Variants in ZNF90 observed in about 807,000 individuals in gnomAD.
ZNF90 encodes the protein zinc finger protein 90.
Under a neutral mutation model 12.0 loss-of-function variants are expected in ZNF90, and 11 were observed. That is an observed-to-expected ratio of 0.92 (90% confidence interval 0.58 to 1.52). The LOEUF (loss-of-function observed/expected upper bound fraction) is 1.52, where lower values mean the gene tolerates loss of function less well. Ranked by LOEUF, ZNF90 falls within the 40% of genes most tolerant of loss-of-function variation. ZNF90 has a pLI of 0.00. For missense variants in ZNF90, 765 were observed against 711.5 expected (o/e 1.08, Z -0.86); for synonymous variants, 232 against 240.1 (o/e 0.97, Z 0.31).
intron 3 of ZNF90, among the ~76,000 whole-genome samples, chr19:20,110,610 T>C (rs142553453): frequency 2.0e-5 from 3 of 152,336 alleles, no homozygotes; most frequent in African/African-American, 7.2e-5. Context: ...GGAACATTTA[T>C]AACTTTTTAA....
intron 1 of ZNF90, among the ~76,000 whole-genome samples, chr19:20,097,185 A>G (rs1049237150): frequency 2.0e-5 from 3 of 152,156 alleles, no homozygotes; most frequent in African/African-American, 4.8e-5. Context: ...TTTCTGTACT[A>G]TTATTGTGGC....
At chr19:20,098,780 G>T (rs765051) in intron 1 of ZNF90, among the ~76,000 whole-genome samples, 3 of 152,208 alleles carry the variant, frequency 2.0e-5, no homozygotes, top group Admixed American at 6.5e-5. Context: ...GACAAGAATG[G>T]TTTTTTCTTC....
At chr19:20,106,044 C>CTTTTTTTTTTTT (rs56933917) in intron 3 of ZNF90, among the ~76,000 whole-genome samples, 8 of 71,032 alleles carry the variant, frequency 1.1e-4, no homozygotes, top group South Asian at 5.2e-4. Flanking sequence ...CTAATTTTTT[C>CTTTTTTTTTTTT]TTTTTTTTTT....
chr19:20,103,223 C>T (rs543897831), intron 1 of ZNF90, among the ~76,000 whole-genome samples: 16 of 152,166 alleles, frequency 1.1e-4, no homozygotes, highest in South Asian at 6.2e-4. Context: ...ATGTGGAGGT[C>T]GAAAGGACAG....
chr19:20,079,422 G>A (rs554967946), intron 1 of ZNF90, among the ~76,000 whole-genome samples: 57 of 151,036 alleles, frequency 3.8e-4, no homozygotes, highest in Non-Finnish European at 6.6e-4. Flanking sequence ...GCACTTGTTT[G>A]ACTTTGTAAA....
chr19:20,109,018 C>A (rs181838205), intron 3 of ZNF90, among the ~76,000 whole-genome samples: 1 of 151,428 alleles, frequency 6.6e-6, no homozygotes, highest in Non-Finnish European at 1.5e-5. Flanking sequence ...CCACCGTGCC[C>A]GGCTTCAGTG....
At position 20,113,688 on chromosome 19, in the gene ZNF90, C is replaced by T. The variant is rs1252794080; in HGVS notation, c.227-4093C>T. ...CTAAAAATACAAAAAATTCGCCGGG[C>T]GTGTTGGCGGGCGCTTATAGTCCCA... On this transcript the variant is annotated intron_variant, in intron 3 of 3. Coordinates refer to ENST00000418063, the MANE Select transcript of ZNF90 (RefSeq NM_007138.2). Among the ~76,000 whole-genome samples the T allele has an allele frequency of 4.0e-5, 6 of 151,882 alleles. No homozygotes were observed. The East Asian group carries it at 7.9e-4, about 20-fold the overall frequency.
intron 1 of ZNF90, among the ~76,000 whole-genome samples, chr19:20,102,666 T>C (rs1368439997): frequency 2.6e-5 from 4 of 152,216 alleles, no homozygotes; most frequent in Non-Finnish European, 5.9e-5. Context: ...TTTGTAGCTG[T>C]TGAACATGAA....
intron 3 of ZNF90, among the ~76,000 whole-genome samples, chr19:20,116,937 A>G (rs1262464510): frequency 6.6e-6 from 1 of 151,684 alleles, no homozygotes; most frequent in Non-Finnish European, 1.5e-5. Context: ...TAAGAAGCAC[A>G]TAGAAGCCAG....
At position 20,118,908 on chromosome 19, in the gene ZNF90, C is replaced by G; in HGVS notation, c.1354C>G (p.Pro452Ala). The change falls in exon 4 of 4, where the codon CCC becomes GCC. Residue 452 changes from proline (P) to alanine (A), a missense_variant. Physicochemically the swap from Pro to Ala is conservative, Grantham distance 27 (BLOSUM62 -1). Transcript: ENST00000418063. ...TAAGATAATTCATAGTGGAGAGAAACCCTACAAATGTGAAGAATGTGGCAA... is the reference window on the plus strand; with the variant it reads ...TAAGATAATTCATAGTGGAGAGAAAGCCTACAAATGTGAAGAATGTGGCAA... Reference protein sequence around the residue: ...THKIIHSGEKPYKCEECGKAF... With the variant: ...THKIIHSGEKAYKCEECGKAF... The G allele has an allele frequency of 6.2e-7, 1 of 1,613,290 alleles. No individual in the cohort carries two copies. The highest frequency in any genetic ancestry group is 8.5e-7 in the Non-Finnish European group (1 of 1,179,650).
chr19:20,099,188 T>C (rs1478141319), intron 1 of ZNF90, among the ~76,000 whole-genome samples: 7 of 152,174 alleles, frequency 4.6e-5, no homozygotes, highest in Non-Finnish European at 1.0e-4. Context: ...TGCTTTTTTT[T>C]TTTGAGATGG....
intron 1 of ZNF90, among the ~76,000 whole-genome samples, chr19:20,080,817 G>C (rs1326584536): frequency 6.6e-6 from 1 of 152,222 alleles, no homozygotes; most frequent in African/African-American, 2.4e-5. Flanking sequence ...ACTCTGGGTG[G>C]TGTCAGATTT....
At chr19:20,107,843 A>AT in intron 3 of ZNF90, among the ~76,000 whole-genome samples, 1 of 152,330 alleles carries the variant, frequency 6.6e-6, no homozygotes, top group East Asian at 1.9e-4. Context: ...GGCACCCAAT[A>AT]TTTAACTAAA....
intron 1 of ZNF90, among the ~76,000 whole-genome samples, chr19:20,088,192 G>A (rs1014077869): frequency 5.3e-5 from 8 of 151,910 alleles, no homozygotes; most frequent in African/African-American, 1.9e-4. Context: ...GAAGTGTTGG[G>A]GCGGCAAAAA....
chr19:20,079,803 C>T (rs913618033), intron 1 of ZNF90: 10 of 271,106 alleles, frequency 3.7e-5, no homozygotes, highest in South Asian at 1.6e-4. Context: ...CGCGGTGGCT[C>T]ACGCCTGTAA....
chr19:20,096,555 G>T (rs2088948167), intron 1 of ZNF90, among the ~76,000 whole-genome samples: 2 of 151,984 alleles, frequency 1.3e-5, no homozygotes, highest in Admixed American at 6.6e-5. Flanking sequence ...GCTCAGTGGG[G>T]GTGCTTTTTG....
intron 1 of ZNF90, among the ~76,000 whole-genome samples, chr19:20,080,714 G>A (rs1489894173): frequency 1.3e-5 from 2 of 152,200 alleles, no homozygotes; most frequent in Non-Finnish European, 2.9e-5. Context: ...TCAAACAATA[G>A]GTGAGAAGCA....
chr19:20,104,303 C>A lies in ZNF90; in HGVS notation c.68C>A (p.Thr23Asn). The A allele has an allele frequency of 1.2e-5, 19 of 1,614,014 alleles. No homozygotes were observed. The highest frequency in any genetic ancestry group is 1.6e-5 in the Non-Finnish European group (19 of 1,179,976). Residue 23 changes from threonine to asparagine, a missense_variant, in exon 2 of 4, where the codon ACT becomes AAT. Physicochemically the swap from Thr to Asn is moderately conservative, Grantham distance 65. Coordinates refer to ENST00000418063, the MANE Select transcript of ZNF90 (RefSeq NM_007138.2). ...FSLEEWHCLD[T>N]AQQNLYRDVM... The stretch of plus-strand genomic sequence containing the variant: ...CTGGAGGAGTGGCATTGCCTGGACA[C>A]TGCACAGCAGAATTTATATAGGGAT...
intron 1 of ZNF90, among the ~76,000 whole-genome samples, chr19:20,082,786 A>T (rs1467972644): frequency 6.6e-6 from 1 of 152,144 alleles, no homozygotes; most frequent in Non-Finnish European, 1.5e-5. Context: ...AGGATTAGTA[A>T]AAGAGAAAGT....
Sources: allele counts gnomAD v4.1 joint callset (sites outside exome capture counted in the v4.1 genomes callset), GRCh38; gene constraint gnomAD v4.1.1; transcripts MANE v1.5; gene names NCBI Gene and HGNC (gene_info 2026-07-23, HGNC 2026-07-21).